Variants in MECOM observed in about 807,000 individuals in gnomAD.
The protein encoded by MECOM is MDS1 and EVI1 complex locus.
Under a neutral mutation model 116.3 loss-of-function variants are expected in MECOM, and 13 were observed. The observed-to-expected ratio is 0.11, with a 90% CI of 0.07 to 0.18. The LOEUF is 0.18. Among genes scored for constraint, MECOM ranks in the 10% least tolerant of loss-of-function variants. The pLI is 1.00. For missense variants in MECOM, 1,299 were observed against 1,509.0 expected, an observed-to-expected ratio of 0.86 and a Z score of 2.31; for synonymous variants, 528 against 535.2, an observed-to-expected ratio of 0.99 and a Z score of 0.19.
In MECOM at chr3:169,472,680, GAGGAA is replaced by G. The variant is rs1300981990; in HGVS notation, c.38-91161_38-91157del. On this transcript the variant is annotated intron_variant, in intron 1 of 16. Coordinates refer to ENST00000651503, the MANE Select transcript of MECOM (RefSeq NM_004991.4). ...AAAGAAAGGAAAGGAAAGGAGAGGA[GAGGAA>G]AGGAAAGGGAAGGGAAGGAAAGGAA... 4.3e-5 allele frequency among the ~76,000 whole-genome samples: 3 copies of G among 69,690 alleles called. 1 individual carries two copies. The highest frequency in any genetic ancestry group is 1.6e-4 in the African/African-American group (3 of 18,850). The allele number at this position is 69,690 out of a possible 152,430, so 45.7% of individuals were successfully genotyped here.
intron 1 of MECOM, among the ~76,000 whole-genome samples, chr3:169,501,969 T>G (rs553440865): frequency 1.3e-5 from 2 of 152,266 alleles, no homozygotes; most frequent in African/African-American, 4.8e-5. Flanking sequence ...AAGAAATAAC[T>G]GATAACAATA....
chr3:169,140,675 T>C (rs1737830350), intron 3 of MECOM, among the ~76,000 whole-genome samples: 1 of 66,358 alleles, frequency 1.5e-5, no homozygotes, highest in South Asian at 3.6e-4. Context: ...ACAAAGCTCA[T>C]TCTGTCTGAA....
chr3:169,140,142 T>C (rs1170909057), intron 3 of MECOM, among the ~76,000 whole-genome samples: 1 of 152,026 alleles, frequency 6.6e-6, no homozygotes, highest in East Asian at 1.9e-4. Flanking sequence ...AACTCTCTGC[T>C]TTTGCTCCTA....
chr3:169,138,207 G>C (rs1259967617), intron 3 of MECOM, among the ~76,000 whole-genome samples: 1 of 152,014 alleles, frequency 6.6e-6, no homozygotes, highest in Non-Finnish European at 1.5e-5. Flanking sequence ...GTGATGCTTT[G>C]TGATCTTCCT....
At chr3:169,149,808 C>A (rs966420662) in intron 2 of MECOM, 2 of 381,230 alleles carry the variant, frequency 5.2e-6, no homozygotes, top group African/African-American at 2.1e-5. Flanking sequence ...TTAATATCAT[C>A]ATTATCGTCA....
At chr3:169,225,268 T>C (rs1424538703) in intron 2 of MECOM, among the ~76,000 whole-genome samples, 4 of 152,234 alleles carry the variant, frequency 2.6e-5, no homozygotes, top group African/African-American at 9.6e-5. Context: ...GGATTTTATG[T>C]TCAATATCCC....
intron 2 of MECOM, among the ~76,000 whole-genome samples, chr3:169,378,514 A>AAAAGAAAGAAAG (rs1159428318): frequency 1.9e-4 from 5 of 26,876 alleles, no homozygotes; most frequent in Admixed American, 9.4e-4. Flanking sequence ...AGAAAGAAAG[A>AAAAGAAAGAAAG]AAAGAAAGAA....
chr3:169,570,225 A>C (rs1260809640), intron 1 of MECOM, among the ~76,000 whole-genome samples: 1 of 152,240 alleles, frequency 6.6e-6, no homozygotes. Flanking sequence ...ATGCAAATAA[A>C]TTAGAAAATC....
At chr3:169,202,572 C>G (rs1432230133) in intron 2 of MECOM, among the ~76,000 whole-genome samples, 1 of 151,984 alleles carries the variant, frequency 6.6e-6, no homozygotes, top group Non-Finnish European at 1.5e-5. Flanking sequence ...AAATTTTAAT[C>G]CAATGTAGTG....
chr3:169,662,834 A>G (rs1776485797), intron 1 of MECOM, among the ~76,000 whole-genome samples: 1 of 151,572 alleles, frequency 6.6e-6, no homozygotes, highest in African/African-American at 2.4e-5. Flanking sequence ...CAAACCCCAG[A>G]AACAAACCGA....
At chr3:169,521,911 C>T (rs1302522902) in intron 1 of MECOM, among the ~76,000 whole-genome samples, 4 of 152,026 alleles carry the variant, frequency 2.6e-5, no homozygotes, top group African/African-American at 7.2e-5. Context: ...CTAAACAATA[C>T]AGTAAAAGAA....
chr3:169,630,018 C>G (rs1179655090), intron 1 of MECOM, among the ~76,000 whole-genome samples: 1 of 152,162 alleles, frequency 6.6e-6, no homozygotes, highest in Non-Finnish European at 1.5e-5. Context: ...GCCTGCTCCT[C>G]CATTGGCCAT....
chr3:169,445,701 C>T (rs1744509921), intron 1 of MECOM, among the ~76,000 whole-genome samples: 1 of 152,142 alleles, frequency 6.6e-6, no homozygotes, highest in African/African-American at 2.4e-5. Flanking sequence ...CGACAGCTTG[C>T]CCTGTGCACC....
At chr3:169,258,145 G>A (rs1249645483) in intron 2 of MECOM, among the ~76,000 whole-genome samples, 3 of 152,056 alleles carry the variant, frequency 2.0e-5, no homozygotes, top group Admixed American at 6.6e-5. Flanking sequence ...ACTTGAACCC[G>A]GGAGACAGAG....
intron 1 of MECOM, among the ~76,000 whole-genome samples, chr3:169,608,171 T>C (rs938948341): frequency 2.0e-5 from 3 of 152,164 alleles, no homozygotes; most frequent in Non-Finnish European, 4.4e-5. Flanking sequence ...TGTCAGCGAT[T>C]GATAACCACA....
intron 14 of MECOM, 82 bp from the exon 15 acceptor site, chr3:169,090,318 A>C: frequency 8.0e-7 from 1 of 1,252,888 alleles, no homozygotes; most frequent in South Asian, 1.5e-5. Context: ...TGTCTTCCCA[A>C]CAACAGTTTA....
chr3:169,127,974 T>G lies in MECOM; in HGVS notation c.700A>C (p.Thr234Pro). Residue 234 changes from threonine (T) to proline (P), a missense_variant, in exon 5 of 17, where the codon ACT (threonine) becomes CCT (proline). Coordinates refer to ENST00000651503, the MANE Select transcript of MECOM (RefSeq NM_004991.4). ...LADHQKFPCS[T>P]PHSAFSMVEE... The stretch of plus-strand genomic sequence containing the variant: ...ACCATTGAAAATGCTGAGTGAGGAG[T>G]ACTGCATGGAAACTTTTGGTGATCT... 6.2e-7 allele frequency: 1 copy of G among 1,613,994 alleles called. No individual in the cohort carries two copies. The highest frequency in any genetic ancestry group is 8.5e-7 in the Non-Finnish European group (1 of 1,179,922).
At chr3:169,495,113 G>T (rs1359480210) in intron 1 of MECOM, among the ~76,000 whole-genome samples, 1 of 152,108 alleles carries the variant, frequency 6.6e-6, no homozygotes, top group Non-Finnish European at 1.5e-5. Flanking sequence ...CGGTAATCCT[G>T]ATTCCATTCA....
intron 2 of MECOM, among the ~76,000 whole-genome samples, chr3:169,306,900 T>C (rs1004724069): frequency 1.3e-5 from 2 of 152,192 alleles, no homozygotes; most frequent in Non-Finnish European, 2.9e-5. Context: ...CTATCACAGC[T>C]TTAAATATCA....
Sources: gnomAD v4.1 joint callset for allele counts (sites outside exome capture counted in the v4.1 genomes callset) on GRCh38, gnomAD v4.1.1 for gene constraint, MANE v1.5 for transcripts, NCBI Gene and HGNC (gene_info 2026-07-23, HGNC 2026-07-21) for gene names.